VPS41: variants seen among roughly 807,000 people sequenced by gnomAD.
VPS41 encodes VPS41 subunit of HOPS complex, also known as vacuolar protein sorting-associated protein 41 homolog.
Under a neutral mutation model 130.9 loss-of-function variants are expected in VPS41, and 85 were observed. That is an observed-to-expected ratio of 0.65 (90% CI 0.55 to 0.78). VPS41 has a LOEUF of 0.78. Among genes scored for constraint, VPS41 ranks in the 30% least tolerant of loss-of-function variants. VPS41 has a pLI of 0.00. For synonymous variants in VPS41, 335 were observed against 332.9 expected, an observed-to-expected ratio of 1.01 and a Z score of -0.07; for missense variants, 874 against 1,018.7, an observed-to-expected ratio of 0.86 and a Z score of 1.93.
At chr7:38,844,942 C>T (rs768561006) in intron 4 of VPS41, among the ~76,000 whole-genome samples, 10 of 152,164 alleles carry the variant, frequency 6.6e-5, no homozygotes, top group Middle Eastern at 3.2e-3. Flanking sequence ...CCCACCAGGA[C>T]GGTAGAACCT....
chr7:38,847,448 G>C (rs957372404), intron 4 of VPS41, among the ~76,000 whole-genome samples: 4 of 152,084 alleles, frequency 2.6e-5, no homozygotes, highest in Non-Finnish European at 5.9e-5. Flanking sequence ...TTCTCTAACA[G>C]TAAGGCAACA....
chr7:38,783,570 T>C (rs1166750746), intron 10 of VPS41, among the ~76,000 whole-genome samples: 1 of 151,902 alleles, frequency 6.6e-6, no homozygotes, highest in African/African-American at 2.4e-5. Flanking sequence ...CCACATGCTA[T>C]GTGCAAAAAC....
At chr7:38,828,112 T>C (rs1785315408) in intron 5 of VPS41, among the ~76,000 whole-genome samples, 1 of 151,974 alleles carries the variant, frequency 6.6e-6, no homozygotes, top group Admixed American at 6.5e-5. Context: ...TGAGAAAAAA[T>C]ATTCCAACCC....
chr7:38,774,180 T>A lies in VPS41; in HGVS notation c.947A>T (p.Glu316Val), dbSNP rs1302605710. The A allele has an allele frequency of 6.2e-7, 1 of 1,609,634 alleles. No homozygotes were observed. The highest frequency in any genetic ancestry group is 8.5e-7 in the Non-Finnish European group (1 of 1,176,746). Residue 316 changes from glutamate to valine, a missense_variant, in exon 12 of 29, where the codon GAG becomes GTG. By Grantham distance (121) the Glu-to-Val change is moderately radical. Coordinates refer to ENST00000310301, the MANE Select transcript of VPS41 (RefSeq NM_014396.4). ...IIQPLSETCE[E>V]ISSDALTVRG... ...GACTGTCAAAGCATCAGAAGAGATC[T>A]CTTCACAAGTCTCAGAAAGTGGCTG...
At chr7:38,876,718 T>C (rs149859022) in intron 2 of VPS41, among the ~76,000 whole-genome samples, 164 of 152,296 alleles carry the variant, frequency 1.1e-3, no homozygotes, top group African/African-American at 3.8e-3. Flanking sequence ...GTTGAGCCCC[T>C]AATAATTGAG....
intron 4 of VPS41, among the ~76,000 whole-genome samples, chr7:38,834,499 G>A (rs1785452826): frequency 6.6e-6 from 1 of 152,098 alleles, no homozygotes; most frequent in Non-Finnish European, 1.5e-5. Context: ...AAAATAAAAC[G>A]GAGAAGTCAG....
chr7:38,738,237 T>A lies in VPS41; in HGVS notation c.2259+3748A>T, dbSNP rs189578226. 4.6e-5 allele frequency among the ~76,000 whole-genome samples: 7 copies of A among 152,318 alleles called. No individual in the cohort carries two copies. In the East Asian group the frequency reaches 1.2e-3, roughly 25 times the overall value. ...ACCCCACTCTAATTAGCAGATTTTT[T>A]AGAGATTACTTGTGGCTGTAAAAGG... On this transcript the variant is annotated intron_variant, in intron 25 of 28. Transcript: ENST00000310301.
chr7:38,866,006 T>A (rs1786220656), intron 3 of VPS41, among the ~76,000 whole-genome samples: 1 of 152,058 alleles, frequency 6.6e-6, no homozygotes, highest in Admixed American at 6.5e-5. Context: ...TGAAAGCAAA[T>A]CTGAAGGAAA....
At chr7:38,819,913 G>C (rs1001375810) in intron 6 of VPS41, among the ~76,000 whole-genome samples, 3 of 151,980 alleles carry the variant, frequency 2.0e-5, no homozygotes, top group Admixed American at 6.6e-5. Flanking sequence ...TGTGTTTAAG[G>C]GCCAATCTCC....
At chr7:38,783,353 G>A (rs1784386338) in intron 10 of VPS41, among the ~76,000 whole-genome samples, 1 of 151,958 alleles carries the variant, frequency 6.6e-6, no homozygotes, top group Non-Finnish European at 1.5e-5. Context: ...TGGCCAAGAA[G>A]GTGAAACCCC....
intron 1 of VPS41, among the ~76,000 whole-genome samples, chr7:38,904,162 G>C (rs1035747644): frequency 6.6e-6 from 1 of 152,150 alleles, no homozygotes; most frequent in Non-Finnish European, 1.5e-5. Flanking sequence ...GGCAACAGGG[G>C]ACTGCACAGC....
intron 7 of VPS41, among the ~76,000 whole-genome samples, chr7:38,810,962 G>A (rs1480718764): frequency 2.0e-5 from 3 of 152,078 alleles, no homozygotes; most frequent in African/African-American, 4.8e-5. Flanking sequence ...AGTAGCTACT[G>A]AGCCAATGTA....
chr7:38,805,660 T>G (rs1784826941), intron 7 of VPS41, among the ~76,000 whole-genome samples: 1 of 151,986 alleles, frequency 6.6e-6, no homozygotes, highest in Admixed American at 6.5e-5. Context: ...TCTTACCATC[T>G]CTATGAAAAA....
intron 4 of VPS41, among the ~76,000 whole-genome samples, chr7:38,846,438 A>C (rs1785726026): frequency 6.6e-6 from 1 of 152,202 alleles, no homozygotes; most frequent in African/African-American, 2.4e-5. Flanking sequence ...TGACACCGAT[A>C]ATTTGCGTAC....
intron 5 of VPS41, among the ~76,000 whole-genome samples, chr7:38,828,612 C>G (rs989224347): frequency 6.6e-6 from 1 of 152,114 alleles, no homozygotes; most frequent in African/African-American, 2.4e-5. Flanking sequence ...TTTCACAATA[C>G]TGACTAACCC....
intron 14 of VPS41, among the ~76,000 whole-genome samples, chr7:38,768,813 A>G (rs967553655): frequency 3.3e-5 from 5 of 151,964 alleles, no homozygotes; most frequent in East Asian, 1.9e-4. Context: ...TCTTCCTTTT[A>G]TATCAACCTT....
chr7:38,763,390 C>T, intron 17 of VPS41, 65 bp downstream of exon 17: 1 of 1,165,856 alleles, frequency 8.6e-7, no homozygotes, highest in Non-Finnish European at 1.2e-6. Context: ...CATTGTATTC[C>T]TTTCTAGATT....
chr7:38,834,315 G>C lies in VPS41; in HGVS notation c.247-3987C>G, dbSNP rs531962447. Among the ~76,000 whole-genome samples, 11 of 152,222 alleles carry C rather than the reference G, an allele frequency of 7.2e-5. No homozygotes were observed. The East Asian group carries it at 2.1e-3, about 29-fold the overall frequency. The stretch of plus-strand genomic sequence containing the variant: ...GTCTTCTTCAGTATCTCTAAATAAA[G>C]TTTTATATGTTTCCCCTGAGAGGTC... On this transcript the variant is annotated intron_variant, in intron 4 of 28. Coordinates refer to ENST00000310301, the MANE Select transcript of VPS41 (RefSeq NM_014396.4).
intron 7 of VPS41, among the ~76,000 whole-genome samples, chr7:38,798,142 C>T (rs774105778): frequency 5.3e-5 from 8 of 152,110 alleles, no homozygotes; most frequent in Admixed American, 2.6e-4. Context: ...TCGGGAGTGT[C>T]CCCAGACTGT....
Sources: allele counts gnomAD v4.1 joint callset (sites outside exome capture counted in the v4.1 genomes callset), GRCh38; gene constraint gnomAD v4.1.1; transcripts MANE v1.5; gene names NCBI Gene and HGNC (gene_info 2026-07-23, HGNC 2026-07-21).